The following PRKN variants were observed in gnomAD, a reference collection of about 807,000 sequenced individuals.
PRKN encodes parkin RBR E3 ubiquitin protein ligase, also known as E3 ubiquitin-protein ligase parkin.
A neutral mutation model predicts 59.5 loss-of-function variants in PRKN; 56 were observed. The ratio of observed to expected loss-of-function variants is 0.94; its 90% CI spans 0.76 to 1.18. PRKN has a LOEUF of 1.18. PRKN is among the 50% of genes most tolerant of loss of function. The pLI is 0.00. For synonymous variants in PRKN, 250 were observed against 222.1 expected (o/e 1.13, Z -1.12); for missense variants, 657 against 596.4 (o/e 1.10, Z -1.06).
chr6:162,296,973 C>T (rs1298626876), intron 2 of PRKN, among the ~76,000 whole-genome samples: 2 of 151,916 alleles, frequency 1.3e-5, no homozygotes, highest in African/African-American at 4.8e-5. Flanking sequence ...TTGCAAATGA[C>T]GTGTCCAATC....
At chr6:161,791,087 G>C (rs1022924447) in intron 6 of PRKN, among the ~76,000 whole-genome samples, 1 of 152,072 alleles carries the variant, frequency 6.6e-6, no homozygotes. Flanking sequence ...TTAATTGATC[G>C]ATCCAGAGAT....
At chr6:161,658,048 A>AAGAAT (rs1478132049) in intron 7 of PRKN, among the ~76,000 whole-genome samples, 1 of 151,200 alleles carries the variant, frequency 6.6e-6, no homozygotes, top group East Asian at 1.9e-4. Context: ...AAGAAAAGAA[A>AAGAAT]AAAACGGTGT....
chr6:162,333,153 A>C (rs189864904), intron 2 of PRKN, among the ~76,000 whole-genome samples: 3 of 152,230 alleles, frequency 2.0e-5, no homozygotes, highest in African/African-American at 7.2e-5. Flanking sequence ...TCTTGATGTG[A>C]AAAGGGACAA....
intron 1 of PRKN, among the ~76,000 whole-genome samples, chr6:162,513,317 A>T (rs2128191066): frequency 6.6e-6 from 1 of 152,068 alleles, no homozygotes; most frequent in South Asian, 2.1e-4. Flanking sequence ...CACCTCTACT[A>T]AAAATACAAA....
At chr6:162,623,357 T>C (rs1175258367) in intron 1 of PRKN, among the ~76,000 whole-genome samples, 1 of 152,200 alleles carries the variant, frequency 6.6e-6, no homozygotes, top group Non-Finnish European at 1.5e-5. Flanking sequence ...CAGTGATCAC[T>C]TAGATGAATG....
Position 161,852,494 on chromosome 6 carries a change from A to G in PRKN, c.735-66586T>C, listed in dbSNP as rs539945669. On this transcript the variant is annotated intron_variant, in intron 6 of 11. Coordinates refer to ENST00000366898, the MANE Select transcript of PRKN (RefSeq NM_004562.3). ...ACACATATGCCATCACACACACACA[A>G]TCACAAAGCATCAGTCAGGAAGGCC... Among the ~76,000 whole-genome samples the G allele has an allele frequency of 6.6e-5, 10 of 152,182 alleles. 1 individual carries two copies. The South Asian group carries it at 2.1e-3, about 32-fold the overall frequency.
intron 4 of PRKN, among the ~76,000 whole-genome samples, chr6:162,119,469 AGCTG>A (rs1276574404): frequency 1.3e-5 from 2 of 152,186 alleles, no homozygotes; most frequent in African/African-American, 2.4e-5. Context: ...ATGTTTTGCC[AGCTG>A]GATTTGGTGA....
intron 7 of PRKN, among the ~76,000 whole-genome samples, chr6:161,631,774 C>CAA (rs2128154905): frequency 6.9e-6 from 1 of 144,504 alleles, no homozygotes; most frequent in South Asian, 2.2e-4. Flanking sequence ...CCCAGACAAA[C>CAA]ACACACACAC....
Position 161,743,213 on chromosome 6 carries a change from C to CTT in PRKN, c.871+42557_871+42558dup, listed in dbSNP as rs768890758. Among the ~76,000 whole-genome samples, 22 of 84,552 alleles carry CTT rather than the reference C, an allele frequency of 2.6e-4. 1 individual carries two copies. The highest frequency in any genetic ancestry group is 3.1e-4 in the Admixed American group (2 of 6,494). The allele number at this position is 84,552 out of a possible 152,430, so 55.5% of individuals were successfully genotyped here. ...CTTGCCTGTCTATACTGGTTTCTAC[C>CTT]TTTTTTTTTTTTTTTTTTTTTTTTT... is the stretch of plus-strand genomic sequence containing the variant. On this transcript the variant is annotated intron_variant, in intron 7 of 11. Coordinates refer to ENST00000366898, the MANE Select transcript of PRKN (RefSeq NM_004562.3).
At chr6:162,618,750 T>TC (rs947710383) in intron 1 of PRKN, among the ~76,000 whole-genome samples, 4 of 152,060 alleles carry the variant, frequency 2.6e-5, no homozygotes, top group African/African-American at 9.7e-5. Context: ...GCCTTGAAAC[T>TC]CCCCCCCAAA....
In PRKN at chr6:161,353,710, G is replaced by A. The variant is rs137856586; in HGVS notation, c.1286-3499C>T. Among the ~76,000 whole-genome samples the A allele has an allele frequency of 2.7e-4, 41 of 152,314 alleles. No individual in the cohort carries two copies. Among genetic ancestry groups the A allele is most frequent in the African/African-American group, 9.6e-4 (40 of 41,568 alleles). ...TGTAGCAAATAACAGAACCCAAAGAGGGAGTCATGGGAATCTCAACTTGAA... is the reference window on the plus strand; with the variant it reads ...TGTAGCAAATAACAGAACCCAAAGAAGGAGTCATGGGAATCTCAACTTGAA... On this transcript the variant is annotated intron_variant, in intron 11 of 11. Transcript: ENST00000366898. This position sits in a 1 kb window ranked among gnomAD's most constrained non-coding sequence, Gnocchi z 4.8.
intron 6 of PRKN, among the ~76,000 whole-genome samples, chr6:161,850,864 T>G (rs1444255122): frequency 3.9e-5 from 6 of 152,190 alleles, no homozygotes; most frequent in South Asian, 2.1e-4. Context: ...TGAGAAACTC[T>G]CAGTGCTTCC....
intron 6 of PRKN, among the ~76,000 whole-genome samples, chr6:161,842,560 C>T (rs1793032981): frequency 6.6e-6 from 1 of 151,408 alleles, no homozygotes; most frequent in Admixed American, 6.6e-5. Context: ...TCTTCCTTCT[C>T]TTTTTTTTCT....
intron 6 of PRKN, among the ~76,000 whole-genome samples, chr6:161,924,005 G>C (rs948006276): frequency 6.6e-6 from 1 of 152,118 alleles, no homozygotes; most frequent in African/African-American, 2.4e-5. Flanking sequence ...TATTGTTTCT[G>C]TGTCTGGACT....
intron 1 of PRKN, among the ~76,000 whole-genome samples, chr6:162,517,904 C>T (rs182233604): frequency 8.9e-4 from 136 of 152,150 alleles, no homozygotes; most frequent in African/African-American, 2.9e-3. Flanking sequence ...AAAAAATGTA[C>T]GGTAGTTATT....
rs188180292 is a variant in PRKN, at chr6:162,484,844, T to C, written c.8-41371A>G. 2.3e-3 allele frequency among the ~76,000 whole-genome samples: 349 copies of C among 152,340 alleles called. 1 individual carries two copies. The highest frequency in any genetic ancestry group is 3.5e-3 in the Non-Finnish European group (235 of 68,026). The stretch of plus-strand genomic sequence containing the variant: ...GTGCTGTTAGCATATTCAAGAAAAT[T>C]GGCCCTTTTATCACTTACATTAAAT... On this transcript the variant is annotated intron_variant, in intron 1 of 11. Coordinates refer to ENST00000366898, the MANE Select transcript of PRKN (RefSeq NM_004562.3).
At chr6:162,425,205 T>C (rs1005548727) in intron 2 of PRKN, among the ~76,000 whole-genome samples, 2 of 152,230 alleles carry the variant, frequency 1.3e-5, no homozygotes, top group African/African-American at 4.8e-5. Context: ...TATAGTCCAT[T>C]TTTCACAACG....
At position 162,125,547 on chromosome 6, in the gene PRKN, G is replaced by A. The variant is rs113264294; in HGVS notation, c.535-71373C>T. ...GGATTAGAAGAAAGGGTTAGAACAC[G>A]ATTACCCCTGTGGAAATCTAGGGAA... is the stretch of plus-strand genomic sequence containing the variant. On this transcript the variant is annotated intron_variant, in intron 4 of 11. Transcript: ENST00000366898. 1.9e-3 allele frequency among the ~76,000 whole-genome samples: 289 copies of A among 152,236 alleles called. 4 individuals are homozygous for A. Among genetic ancestry groups the A allele is most frequent in the African/African-American group, 6.6e-3 (274 of 41,558 alleles).
chr6:161,718,242 C>T (rs897171476), intron 7 of PRKN, among the ~76,000 whole-genome samples: 5 of 152,070 alleles, frequency 3.3e-5, no homozygotes, highest in African/African-American at 1.2e-4. Context: ...TTCACACATT[C>T]TCAAGGAGCG....
Sources: gnomAD v4.1 joint callset for allele counts (sites outside exome capture counted in the v4.1 genomes callset) on GRCh38, gnomAD v4.1.1 for gene constraint, Gnocchi (gnomAD v3.1) non-coding constraint, MANE v1.5 for transcripts, NCBI Gene and HGNC (gene_info 2026-07-23, HGNC 2026-07-21) for gene names.